Variants in CCDC180 observed in about 807,000 individuals in gnomAD.
The protein encoded by CCDC180 is coiled-coil domain containing 180, also known as coiled-coil domain-containing protein 180.
A neutral mutation model predicts 209.2 loss-of-function variants in CCDC180; 154 were observed. The ratio of observed to expected loss-of-function variants is 0.74; its 90% confidence interval spans 0.65 to 0.84. CCDC180 has a LOEUF of 0.84. CCDC180 is among the 40% of genes least tolerant of loss of function. The pLI, the probability that CCDC180 is intolerant of heterozygous loss-of-function variation, is 0.00. For synonymous variants in CCDC180, 778 were observed against 749.1 expected, an observed-to-expected ratio of 1.04 and a Z score of -0.63; for missense variants, 1,874 against 1,997.3, an observed-to-expected ratio of 0.94 and a Z score of 1.18.
In CCDC180 at chr9:97,354,715, T is replaced by G; in HGVS notation, c.3147+2T>G. On this transcript the variant is annotated splice_donor_variant, in intron 23 of 36. Transcript: ENST00000529487. LOFTEE classifies it high-confidence loss of function. Reference sequence around the variant, plus strand: ...TTGGAGAATGAGTACCTGGACCAGGTAGGGCCCCCAGCCAGGCCCCAGGCC... The same window carrying G: ...TTGGAGAATGAGTACCTGGACCAGGGAGGGCCCCCAGCCAGGCCCCAGGCC... The G allele has an allele frequency of 1.9e-6, 3 of 1,614,208 alleles. No individual in the cohort carries two copies. Among genetic ancestry groups the G allele is most frequent in the Non-Finnish European group, 2.5e-6 (3 of 1,180,038 alleles).
intron 31 of CCDC180, among the ~76,000 whole-genome samples, chr9:97,368,742 A>G (rs1044311269): frequency 5.3e-5 from 8 of 152,218 alleles, no homozygotes; most frequent in African/African-American, 1.4e-4. Context: ...TGTTGGACAT[A>G]TAACAAATTC....
At chr9:97,337,520 A>C (rs1825944722) in intron 18 of CCDC180, among the ~76,000 whole-genome samples, 1 of 151,992 alleles carries the variant, frequency 6.6e-6, no homozygotes, top group Non-Finnish European at 1.5e-5. Context: ...AGCCAACTTG[A>C]TCTTGGTGGA....
At chr9:97,374,244 C>A in intron 34 of CCDC180, 1 of 351,832 alleles carries the variant, frequency 2.8e-6, no homozygotes, top group Non-Finnish European at 5.2e-6. Flanking sequence ...CTCTATGAAC[C>A]ATATCCGGGG....
intron 19 of CCDC180, among the ~76,000 whole-genome samples, chr9:97,344,988 CTTTTA>C (rs1826204615): frequency 6.6e-6 from 1 of 152,102 alleles, no homozygotes; most frequent in Admixed American, 6.5e-5. Flanking sequence ...AGAACTCACT[CTTTTA>C]TTATGTTTAT....
intron 3 of CCDC180, among the ~76,000 whole-genome samples, chr9:97,310,415 GC>G (rs1451454424): frequency 2.2e-5 from 2 of 90,808 alleles, no homozygotes; most frequent in Non-Finnish European, 4.3e-5. Context: ...ATGAGAGCAG[GC>G]GGGGGTCAGG....
chr9:97,366,715 C>T lies in CCDC180; in HGVS notation c.4189+15C>T. On this transcript the variant is annotated intron_variant, in intron 31 of 36. Transcript: ENST00000529487. This position sits in a 1 kb window ranked among gnomAD's most constrained non-coding sequence, Gnocchi z 4.3. ...CTGCCTCATAGGTGAGTATAGGCAGCAGGAAGGCACGGGGAACAGGGCGGG... is the reference window on the plus strand; with the variant it reads ...CTGCCTCATAGGTGAGTATAGGCAGTAGGAAGGCACGGGGAACAGGGCGGG... 2 of 1,613,086 alleles carry T rather than the reference C, an allele frequency of 1.2e-6. No individual in the cohort carries two copies. Among genetic ancestry groups the T allele is most frequent in the Non-Finnish European group, 1.7e-6 (2 of 1,179,520 alleles).
Position 97,343,527 on chromosome 9 carries a change from C to T in CCDC180, c.2462C>T (p.Thr821Ile). The change falls in exon 19 of 37, where the codon ACA becomes ATA. Residue 821 changes from threonine (T) to isoleucine (I), a missense_variant. Thr to Ile is a moderately conservative substitution (Grantham distance 89). Coordinates refer to ENST00000529487, the MANE Select transcript of CCDC180 (RefSeq NM_020893.6). ...AGTGCCAAGTTCATAGAACAAGTGA[C>T]AATTCCATCGAGACTAATTTTAGAA... Reference protein sequence around the residue: ...TSSAKFIEQVTIPSRLILEIK... With the variant: ...TSSAKFIEQVIIPSRLILEIK... The T allele has an allele frequency of 3.1e-6, 5 of 1,613,388 alleles. No individual in the cohort carries two copies. The highest frequency in any genetic ancestry group is 2.2e-5 in the East Asian group (1 of 44,850).
Position 97,328,113 on chromosome 9 carries a change from C to G in CCDC180, c.1755C>G (p.Ser585Arg), listed in dbSNP as rs1833596260. 1 of 1,614,018 alleles carries G rather than the reference C, an allele frequency of 6.2e-7. No individual in the cohort carries two copies. The highest frequency in any genetic ancestry group is 8.5e-7 in the Non-Finnish European group (1 of 1,179,932). Residue 585 changes from serine (S) to arginine (R), a missense_variant, in exon 16 of 37, where the codon AGC becomes AGG. Coordinates refer to ENST00000529487, the MANE Select transcript of CCDC180 (RefSeq NM_020893.6). Reference protein sequence around the residue: ...KELNSYSSALSQYFFVREIFE... With the variant: ...KELNSYSSALRQYFFVREIFE... ...TCAACTCCTACAGCTCTGCCCTCAG[C>G]CAATACTTCTTTGTGCGTGAAATCT...
At chr9:97,371,826 G>T in intron 34 of CCDC180, 120 bp downstream of exon 34, 1 of 532,078 alleles carries the variant, frequency 1.9e-6, no homozygotes, top group South Asian at 4.6e-5. Context: ...TGAGGGGACT[G>T]ATTAATTTTT....
chr9:97,311,958 C>T (rs1013000709), intron 3 of CCDC180, among the ~76,000 whole-genome samples, 155 bp from the exon 4 acceptor site: 1 of 152,128 alleles, frequency 6.6e-6, no homozygotes, highest in Non-Finnish European at 1.5e-5. Context: ...GGAGCCTGGG[C>T]ACTGCCTCAG....
At chr9:97,346,373 A>G (rs1184500450) in intron 19 of CCDC180, among the ~76,000 whole-genome samples, 2 of 152,240 alleles carry the variant, frequency 1.3e-5, no homozygotes, top group African/African-American at 4.8e-5. Flanking sequence ...CATTGAATCT[A>G]TAGATCAGTT....
At chr9:97,315,144 A>G (rs1833123589) in intron 8 of CCDC180, among the ~76,000 whole-genome samples, 198 bp downstream of exon 8, 1 of 152,120 alleles carries the variant, frequency 6.6e-6, no homozygotes, top group African/African-American at 2.4e-5. Context: ...TCTCTTTTCA[A>G]TAGAGATCTT....
rs574082490 is a variant in CCDC180, at chr9:97,337,130, G to C, written c.2275-6210G>C. ...GCAAACAGGGACAATTTGACTTCCT[G>C]TTTTCCTAATTGAATACCCTTTATT... On this transcript the variant is annotated intron_variant, in intron 18 of 36. Transcript: ENST00000529487. Among the ~76,000 whole-genome samples, 18 of 152,198 alleles carry C rather than the reference G, an allele frequency of 1.2e-4. No individual in the cohort carries two copies. In the East Asian group the frequency reaches 1.7e-3, roughly 15 times the overall value.
At chr9:97,311,008 T>A (rs1587776691) in intron 3 of CCDC180, among the ~76,000 whole-genome samples, 1 of 152,098 alleles carries the variant, frequency 6.6e-6, no homozygotes, top group African/African-American at 2.4e-5. Context: ...GCTGAACACA[T>A]GAGTGGCAGA....
rs377646778 is a variant in CCDC180 at position 97,375,926 on chromosome 9, CA to C, written c.4842+338del. 114 of 292,838 alleles carry C rather than the reference CA, an allele frequency of 3.9e-4. 1 individual carries two copies. Among genetic ancestry groups the C allele is most frequent in the African/African-American group, 1.1e-3 (50 of 47,430 alleles). The allele number at this position is 292,838 out of a possible 1,614,324, so 18.1% of individuals were successfully genotyped here. On this transcript the variant is annotated intron_variant, in intron 36 of 36. Transcript: ENST00000529487. Reference sequence around the variant, plus strand: ...ACGGAAGCAATGGTAGCCGTAGGCTCAGGGGGGACACAGCAGCAGGAGCAGT... The same window carrying C: ...ACGGAAGCAATGGTAGCCGTAGGCTCGGGGGGACACAGCAGCAGGAGCAGT...
At chr9:97,325,810 C>T (rs543458291) in intron 14 of CCDC180, among the ~76,000 whole-genome samples, 2 of 152,336 alleles carry the variant, frequency 1.3e-5, no homozygotes, top group South Asian at 4.1e-4. Flanking sequence ...TGAGCTCTCT[C>T]TCATTCAAAG....
intron 11 of CCDC180, among the ~76,000 whole-genome samples, chr9:97,320,725 A>G (rs989741785): frequency 4.6e-5 from 7 of 152,154 alleles, no homozygotes; most frequent in African/African-American, 1.4e-4. Flanking sequence ...TGATGTTTCA[A>G]AATGCTCTAT....
chr9:97,365,567 T>A, intron 29 of CCDC180, 106 bp from the exon 30 acceptor site: 1 of 938,962 alleles, frequency 1.1e-6, no homozygotes. Context: ...TTTCAAGGAG[T>A]GTCACGGCCA....
chr9:97,369,414 TTTATTTTATGTTATG>T (rs1208851523), intron 31 of CCDC180: 2,593 of 134,930 alleles, frequency 0.019, 44 homozygotes, highest in Admixed American at 0.036. Flanking sequence ...TATTTAAGCC[TTTATTTTATGTTATG>T]TTATGTTATG....
Sources: gnomAD v4.1 joint callset for allele counts (sites outside exome capture counted in the v4.1 genomes callset) on GRCh38, gnomAD v4.1.1 for gene constraint, Gnocchi (gnomAD v3.1) non-coding constraint, MANE v1.5 for transcripts, NCBI Gene and HGNC (gene_info 2026-07-23, HGNC 2026-07-21) for gene names.